CDKAL1: variants seen among roughly 807,000 people sequenced by gnomAD.
CDKAL1 encodes threonylcarbamoyladenosine tRNA methylthiotransferase.
CDKAL1 carries 32 observed loss-of-function variants against 68.2 expected under a neutral mutation model. The ratio of observed to expected loss-of-function variants is 0.47; its 90% confidence interval spans 0.35 to 0.63. The LOEUF is 0.63. CDKAL1 is among the 30% of genes least tolerant of loss of function. The pLI is 0.00. For synonymous variants in CDKAL1, 234 were observed against 244.3 expected, an observed-to-expected ratio of 0.96 and a Z score of 0.39; for missense variants, 606 against 696.7, an observed-to-expected ratio of 0.87 and a Z score of 1.47.
chr6:21,012,494 G>A (rs1400863686), intron 11 of CDKAL1, among the ~76,000 whole-genome samples: 1 of 152,154 alleles, frequency 6.6e-6, no homozygotes, highest in Admixed American at 6.5e-5. Context: ...TCCATGGGCT[G>A]ATGGATATAA....
intron 9 of CDKAL1, among the ~76,000 whole-genome samples, chr6:20,861,571 A>T (rs1759632204): frequency 6.6e-6 from 1 of 152,248 alleles, no homozygotes; most frequent in South Asian, 2.1e-4. Context: ...TAAAAAGTGG[A>T]TAAACTTGAA....
intron 11 of CDKAL1, among the ~76,000 whole-genome samples, chr6:21,036,005 T>A (rs1237290823): frequency 1.3e-5 from 2 of 152,172 alleles, no homozygotes; most frequent in African/African-American, 4.8e-5. Flanking sequence ...TAACATTTCC[T>A]TTGCGCTTGC....
At chr6:21,223,516 G>A (rs1416573538) in intron 15 of CDKAL1, among the ~76,000 whole-genome samples, 41 of 152,108 alleles carry the variant, frequency 2.7e-4, no homozygotes, top group Non-Finnish European at 1.2e-4. Context: ...TCTCCAGCCA[G>A]GTACCATATT....
chr6:20,874,022 C>T (rs955447810), intron 9 of CDKAL1, among the ~76,000 whole-genome samples: 1 of 152,144 alleles, frequency 6.6e-6, no homozygotes, highest in Non-Finnish European at 1.5e-5. Flanking sequence ...GGGTTTAAAA[C>T]AAGCAGCCTG....
chr6:21,086,919 C>T (rs1472044306), intron 12 of CDKAL1, among the ~76,000 whole-genome samples: 1 of 152,184 alleles, frequency 6.6e-6, no homozygotes, highest in Non-Finnish European at 1.5e-5. Flanking sequence ...ATCTAAATGT[C>T]ATTGTCCTAA....
chr6:20,645,019 T>C (rs1768374757), intron 4 of CDKAL1, among the ~76,000 whole-genome samples: 2 of 152,188 alleles, frequency 1.3e-5, no homozygotes, highest in Admixed American at 6.5e-5. Context: ...TATTGCCGTA[T>C]TGAATACCGT....
intron 5 of CDKAL1, among the ~76,000 whole-genome samples, chr6:20,682,474 G>A (rs1362826337): frequency 6.6e-6 from 1 of 152,160 alleles, no homozygotes; most frequent in African/African-American, 2.4e-5. Flanking sequence ...TACAATCATG[G>A]CAGAAGGTGA....
intron 4 of CDKAL1, among the ~76,000 whole-genome samples, chr6:20,619,051 A>G (rs1767059639): frequency 1.3e-5 from 2 of 152,280 alleles, no homozygotes; most frequent in South Asian, 2.1e-4. Flanking sequence ...ATAGCTATAA[A>G]TTTCAGTTTA....
At chr6:21,205,655 C>G (rs970953144) in intron 15 of CDKAL1, among the ~76,000 whole-genome samples, 11 of 150,536 alleles carry the variant, frequency 7.3e-5, no homozygotes, top group Admixed American at 4.6e-4. Context: ...CGCAGCCTCC[C>G]GAGTAGCTGG....
At chr6:20,856,141 GAA>G (rs1759324850) in intron 9 of CDKAL1, among the ~76,000 whole-genome samples, 1 of 152,228 alleles carries the variant, frequency 6.6e-6, no homozygotes. Flanking sequence ...GAGGTGGAGA[GAA>G]ATGCTGCTTA....
chr6:20,696,885 T>G (rs1275241350), intron 5 of CDKAL1, among the ~76,000 whole-genome samples: 1 of 152,212 alleles, frequency 6.6e-6, no homozygotes, highest in East Asian at 1.9e-4. Flanking sequence ...TGTTCGGTAG[T>G]CATTTTTCAT....
chr6:20,673,525 G>T (rs1206855203), intron 5 of CDKAL1, among the ~76,000 whole-genome samples: 1 of 152,154 alleles, frequency 6.6e-6, no homozygotes, highest in African/African-American at 2.4e-5. Flanking sequence ...ATCCATGGTT[G>T]GTTGAATCCA....
intron 5 of CDKAL1, among the ~76,000 whole-genome samples, chr6:20,725,271 A>C (rs2127851088): frequency 6.6e-6 from 1 of 152,278 alleles, no homozygotes; most frequent in Admixed American, 6.5e-5. Context: ...ATGAGAGGCT[A>C]TTCTTCATAA....
intron 9 of CDKAL1, among the ~76,000 whole-genome samples, chr6:20,943,093 T>G: frequency 6.6e-6 from 1 of 151,288 alleles, no homozygotes; most frequent in South Asian, 2.1e-4. Flanking sequence ...TAAAGATCTT[T>G]CTTTATTAGT....
At chr6:20,798,722 T>C (rs564159218) in intron 8 of CDKAL1, among the ~76,000 whole-genome samples, 3 of 131,626 alleles carry the variant, frequency 2.3e-5, no homozygotes, top group African/African-American at 8.8e-5. Context: ...ATAAGAAGAC[T>C]TGGACACAGG....
At chr6:20,977,216 A>G (rs201359) in intron 10 of CDKAL1, among the ~76,000 whole-genome samples, 137,917 of 152,192 alleles carry the variant, frequency 0.91, 62,532 homozygotes, top group Middle Eastern at 0.94. Context: ...TTTTCCCATG[A>G]GTAGTGAACA....
intron 13 of CDKAL1, among the ~76,000 whole-genome samples, chr6:21,129,923 T>G (rs1775214254): frequency 6.6e-6 from 1 of 152,168 alleles, no homozygotes; most frequent in African/African-American, 2.4e-5. Flanking sequence ...TTTTCTACTT[T>G]TTTTAAAAAT....
intron 10 of CDKAL1, among the ~76,000 whole-genome samples, chr6:20,965,147 A>G (rs1195645183): frequency 6.6e-6 from 1 of 152,088 alleles, no homozygotes; most frequent in Non-Finnish European, 1.5e-5. Flanking sequence ...CCGTCTCTGC[A>G]AAAAGTTTTT....
chr6:21,104,290 A>G (rs1364855184), intron 12 of CDKAL1, among the ~76,000 whole-genome samples: 1 of 152,200 alleles, frequency 6.6e-6, no homozygotes, highest in Non-Finnish European at 1.5e-5. Context: ...CCAATGTTTC[A>G]GTATATAGGT....
Sources: gnomAD v4.1 joint callset for allele counts (sites outside exome capture counted in the v4.1 genomes callset) on GRCh38, gnomAD v4.1.1 for gene constraint, MANE v1.5 for transcripts, NCBI Gene and HGNC (gene_info 2026-07-23, HGNC 2026-07-21) for gene names.